The following SMYD3 variants were observed in gnomAD, a reference collection of about 807,000 sequenced individuals.
SMYD3 encodes histone-lysine N-methyltransferase SMYD3.
In SMYD3, 36 loss-of-function variants were observed where a neutral mutation model predicts 57.7. The ratio of observed to expected loss-of-function variants is 0.62; its 90% CI spans 0.48 to 0.82. SMYD3 has a LOEUF of 0.82. Among genes scored for constraint, SMYD3 ranks in the 40% least tolerant of loss-of-function variants. The pLI is 0.00. For missense variants in SMYD3, 515 were observed against 538.8 expected, an observed-to-expected ratio of 0.96 and a Z score of 0.44; for synonymous variants, 211 against 195.0, an observed-to-expected ratio of 1.08 and a Z score of -0.68.
intron 5 of SMYD3, among the ~76,000 whole-genome samples, chr1:246,176,952 T>C (rs767760442): frequency 2.0e-5 from 3 of 152,180 alleles, no homozygotes; most frequent in African/African-American, 7.2e-5. Flanking sequence ...CCCCAAACTA[T>C]AGACTTTAAC....
intron 10 of SMYD3, among the ~76,000 whole-genome samples, chr1:245,820,654 T>A (rs2049110067): frequency 6.6e-6 from 1 of 152,208 alleles, no homozygotes; most frequent in South Asian, 2.1e-4. Context: ...CCCCATCGTC[T>A]GAGCCCAAAA....
intron 5 of SMYD3, chr1:246,025,907 G>A (rs2059565019): frequency 6.6e-6 from 1 of 152,304 alleles, no homozygotes; most frequent in Non-Finnish European, 1.5e-5. Flanking sequence ...CGAGGCAGGT[G>A]GATTACCTGA....
At chr1:246,137,053 T>C (rs1398357208) in intron 5 of SMYD3, among the ~76,000 whole-genome samples, 1 of 152,134 alleles carries the variant, frequency 6.6e-6, no homozygotes, top group Non-Finnish European at 1.5e-5. Context: ...AGCAATTGGG[T>C]TGTTGTTTTT....
Position 246,138,579 on chromosome 1 carries a change from C to T in SMYD3, c.531+188622G>A, listed in dbSNP as rs188917332. 7.2e-3 allele frequency among the ~76,000 whole-genome samples: 782 copies of T among 109,140 alleles called. 171 individuals carry two copies. The highest frequency in any genetic ancestry group is 0.044 in the Admixed American group (458 of 10,464). 71.6% of individuals were successfully genotyped at this position (109,140 alleles called of 152,430 possible). A position where few individuals can be genotyped will look rare whatever the true frequency, so the allele number is the denominator to read the frequency against. ...TAGCTGGGACTGCAGGCTCCCGCCA[C>T]CACGCCCGGCTAATTTTTTGTATTT... On this transcript the variant is annotated intron_variant, in intron 5 of 11. Coordinates refer to ENST00000490107, the MANE Select transcript of SMYD3 (RefSeq NM_001167740.2).
chr1:246,008,764 G>A (rs2059224376), intron 5 of SMYD3, among the ~76,000 whole-genome samples: 1 of 152,140 alleles, frequency 6.6e-6, no homozygotes, highest in Admixed American at 6.5e-5. Flanking sequence ...TGCTGCCAAA[G>A]TCATTTGTTT....
Position 246,223,962 on chromosome 1 carries a change from ATTCTT to A in SMYD3, c.531+103234_531+103238del, listed in dbSNP as rs1309052621. 4.6e-5 allele frequency among the ~76,000 whole-genome samples: 7 copies of A among 152,252 alleles called. No individual in the cohort carries two copies. In the South Asian group the frequency reaches 8.3e-4, roughly 18 times the overall value. On this transcript the variant is annotated intron_variant, in intron 5 of 11. Transcript: ENST00000490107. ...TTTATAAACTAAAAAGAACTGAAGG[ATTCTT>A]TTCATTTTCAAGACTTCTCATCTGT...
chr1:246,109,003 A>G (rs574341949), intron 5 of SMYD3, among the ~76,000 whole-genome samples: 1 of 152,290 alleles, frequency 6.6e-6, no homozygotes, highest in South Asian at 2.1e-4. Flanking sequence ...CTGTGTTTCT[A>G]TAACACTCTT....
At chr1:246,334,339 G>T (rs1398622003) in intron 3 of SMYD3, among the ~76,000 whole-genome samples, 2 of 152,162 alleles carry the variant, frequency 1.3e-5, no homozygotes, top group Non-Finnish European at 2.9e-5. Context: ...AATGGATAAA[G>T]AAAATGTGAT....
chr1:246,023,716 G>A (rs1206288597), intron 5 of SMYD3, among the ~76,000 whole-genome samples: 4 of 152,016 alleles, frequency 2.6e-5, no homozygotes, highest in South Asian at 2.1e-4. Flanking sequence ...CTACAGGGGC[G>A]TGAGTTCAAA....
intron 2 of SMYD3, among the ~76,000 whole-genome samples, chr1:246,340,228 A>T (rs776203677): frequency 6.6e-6 from 1 of 152,058 alleles, no homozygotes; most frequent in Non-Finnish European, 1.5e-5. Flanking sequence ...CATAAAGGAA[A>T]ATAAATATAT....
At chr1:246,247,465 C>CTATATA (rs200687230) in intron 5 of SMYD3, among the ~76,000 whole-genome samples, 2 of 111,908 alleles carry the variant, frequency 1.8e-5, no homozygotes, top group African/African-American at 3.5e-5. Context: ...CTCTCTCTCT[C>CTATATA]TATATATATA....
chr1:246,127,133 C>T (rs1311912534), intron 5 of SMYD3, among the ~76,000 whole-genome samples: 1 of 151,962 alleles, frequency 6.6e-6, no homozygotes. Flanking sequence ...ATATCATTTG[C>T]TCATGATTAG....
At chr1:245,789,975 C>G (rs1023752135) in intron 10 of SMYD3, among the ~76,000 whole-genome samples, 15 of 152,198 alleles carry the variant, frequency 9.9e-5, no homozygotes, top group Admixed American at 8.5e-4. Flanking sequence ...ACTGAGCACC[C>G]ATTATGGGCC....
chr1:246,064,824 T>A (rs2060313842), intron 5 of SMYD3, among the ~76,000 whole-genome samples: 1 of 152,260 alleles, frequency 6.6e-6, no homozygotes, highest in Non-Finnish European at 1.5e-5. Flanking sequence ...GAACCGTGCA[T>A]CGTTCATGTT....
At chr1:245,753,100 C>T (rs1394310457) in intron 11 of SMYD3, among the ~76,000 whole-genome samples, 1 of 152,122 alleles carries the variant, frequency 6.6e-6, no homozygotes, top group African/African-American at 2.4e-5. Flanking sequence ...ATGCTGAATG[C>T]ATCACCAGTA....
At chr1:246,480,473 AC>A (rs1170279932) in intron 1 of SMYD3, among the ~76,000 whole-genome samples, 1 of 152,314 alleles carries the variant, frequency 6.6e-6, no homozygotes, top group East Asian at 1.9e-4. Context: ...ATAATTATCA[AC>A]TTTTTTTTAC....
chr1:246,038,651 C>G (rs532577276), intron 5 of SMYD3, among the ~76,000 whole-genome samples: 1 of 152,310 alleles, frequency 6.6e-6, no homozygotes, highest in South Asian at 2.1e-4. Context: ...ATCACCCATT[C>G]TATCAGGCTT....
In SMYD3 at chr1:246,093,412, T is replaced by A. The variant is rs74927666; in HGVS notation, c.532-163475A>T. 2.4e-4 allele frequency among the ~76,000 whole-genome samples: 37 copies of A among 152,286 alleles called. No individual in the cohort carries two copies. In the East Asian group the frequency reaches 6.9e-3, roughly 29 times the overall value. ...GCATAAAGAAAATATAATGCATATA[T>A]GTGTGGTGGAATATTACTCAGCCAT... On this transcript the variant is annotated intron_variant, in intron 5 of 11. Transcript: ENST00000490107.
chr1:245,905,817 A>G (rs758327223), intron 8 of SMYD3, among the ~76,000 whole-genome samples: 1 of 152,258 alleles, frequency 6.6e-6, no homozygotes, highest in South Asian at 2.1e-4. Flanking sequence ...GGAACAATGG[A>G]ACACAACAGA....
Sources: allele counts gnomAD v4.1 joint callset (sites outside exome capture counted in the v4.1 genomes callset), GRCh38; gene constraint gnomAD v4.1.1; transcripts MANE v1.5; gene names NCBI Gene and HGNC (gene_info 2026-07-23, HGNC 2026-07-21).